SYNGR1: variants seen among roughly 807,000 people sequenced by gnomAD.
SYNGR1 encodes the protein synaptogyrin 1, also known as synaptogyrin-1.
SYNGR1 carries 14 observed loss-of-function variants against 26.1 expected under a neutral mutation model. The observed-to-expected ratio is 0.54, with a 90% CI of 0.35 to 0.84. The LOEUF (loss-of-function observed/expected upper bound fraction) is 0.84, where lower values mean the gene tolerates loss of function less well. Among genes scored for constraint, SYNGR1 ranks in the 40% least tolerant of loss-of-function variants. The pLI, the probability that SYNGR1 is intolerant of heterozygous loss-of-function variation, is 0.01. For missense variants in SYNGR1, 319 were observed against 332.9 expected (o/e 0.96, Z 0.33); for synonymous variants, 141 against 150.1 (o/e 0.94, Z 0.44).
chr22:39,355,870 T>A (rs892373291), intron 1 of SYNGR1, among the ~76,000 whole-genome samples: 7 of 152,050 alleles, frequency 4.6e-5, no homozygotes. Flanking sequence ...TTACAAAAAA[T>A]TAGCCAGGCG....
At chr22:39,357,596 G>A (rs565472051) in intron 1 of SYNGR1, among the ~76,000 whole-genome samples, 135 of 150,518 alleles carry the variant, frequency 9.0e-4, no homozygotes, top group Non-Finnish European at 9.6e-4. Flanking sequence ...CTGGAGTTCC[G>A]GGTGGGCGTG....
intron 1 of SYNGR1, among the ~76,000 whole-genome samples, chr22:39,360,362 CA>C (rs575628545): frequency 6.6e-6 from 1 of 152,282 alleles, no homozygotes; most frequent in African/African-American, 2.4e-5. Flanking sequence ...GAAGAGTTGT[CA>C]CCGTCTCCAG....
Position 39,376,194 on chromosome 22 carries a change from C to T in SYNGR1, c.480C>T (p.Thr160=), listed in dbSNP as rs1196358018. 3.1e-6 allele frequency: 5 copies of T among 1,613,988 alleles called. No individual in the cohort carries two copies. Among genetic ancestry groups the T allele is most frequent in the Non-Finnish European group, 4.2e-6 (5 of 1,180,044 alleles). ...AIAFSFFSIF[T]WAGQAVLAFQ... ...CCTTCTCCTTTTTCTCCATCTTCAC[C>T]TGGGTGAGTACAGCCACCGCGCACC... Residue 160 remains threonine, a synonymous_variant, in exon 3 of 4, where the codon ACC becomes ACT. Coordinates refer to ENST00000328933, the MANE Select transcript of SYNGR1 (RefSeq NM_004711.5).
At chr22:39,355,968 G>A (rs1351582254) in intron 1 of SYNGR1, among the ~76,000 whole-genome samples, 2 of 152,158 alleles carry the variant, frequency 1.3e-5, no homozygotes, top group South Asian at 2.1e-4. Flanking sequence ...GCAGTGAGCC[G>A]AGATTGCGCC....
chr22:39,376,534 A>G (rs983340843), intron 3 of SYNGR1, among the ~76,000 whole-genome samples: 2 of 152,176 alleles, frequency 1.3e-5, no homozygotes, highest in African/African-American at 4.8e-5. Flanking sequence ...GCAGAGGCCT[A>G]GACAGGAAGG....
chr22:39,374,595 G>A, intron 2 of SYNGR1, 42 bp downstream of exon 2: 1 of 1,601,204 alleles, frequency 6.2e-7, no homozygotes, highest in Non-Finnish European at 8.5e-7. Context: ...AGAGTCTACA[G>A]AGGGCTGTCC....
rs149987311 is a variant in SYNGR1, at chr22:39,351,943, G to A, written c.99+1834G>A. On this transcript the variant is annotated intron_variant, in intron 1 of 3. Transcript: ENST00000328933. ...CATATGCACATCCAGGGGAGAGGAC[G>A]TGGAAAGCAGGAGGAAGGATCAGCC... is the stretch of plus-strand genomic sequence containing the variant. Among the ~76,000 whole-genome samples, 12 of 152,352 alleles carry A rather than the reference G, an allele frequency of 7.9e-5. No homozygotes were observed. In the East Asian group the frequency reaches 1.3e-3, roughly 17 times the overall value.
chr22:39,361,528 T>C (rs534480408), intron 1 of SYNGR1, among the ~76,000 whole-genome samples: 72 of 152,012 alleles, frequency 4.7e-4, no homozygotes, highest in Admixed American at 1.7e-3. Context: ...TGGCTAATTT[T>C]TTTTGTATTT....
chr22:39,364,158 C>T, intron 1 of SYNGR1: 1 of 1,611,760 alleles, frequency 6.2e-7, no homozygotes, highest in South Asian at 1.1e-5. Flanking sequence ...CACTGCGGGA[C>T]ACGGCTCAGG....
rs1447489798 is a variant in SYNGR1, at chr22:39,359,637, A to G, written c.99+9528A>G. 6.5e-3 allele frequency among the ~76,000 whole-genome samples: 87 copies of G among 13,432 alleles called. 2 individuals are homozygous for G. Among genetic ancestry groups the G allele is most frequent in the African/African-American group, 0.032 (83 of 2,626 alleles). 8.8% of individuals were successfully genotyped at this position (13,432 alleles called of 152,430 possible). A position where few individuals can be genotyped will look rare whatever the true frequency, so the allele number is the denominator to read the frequency against. Reference sequence around the variant, plus strand: ...CAAAGTGAGACTCTGTCTCAAAAAAAAAAAAAAAAAAAAAAAAAAAAGATG... The same window carrying G: ...CAAAGTGAGACTCTGTCTCAAAAAAGAAAAAAAAAAAAAAAAAAAAAGATG... On this transcript the variant is annotated intron_variant, in intron 1 of 3. Transcript: ENST00000328933.
Position 39,363,958 on chromosome 22 carries a change from A to C in SYNGR1, c.100-10358A>C, listed in dbSNP as rs535624207. Among the ~76,000 whole-genome samples the C allele has an allele frequency of 5.9e-5, 9 of 152,248 alleles. No individual in the cohort carries two copies. The South Asian group carries it at 1.9e-3, about 32-fold the overall frequency. Reference sequence around the variant, plus strand: ...AGCCAGCATTGTCTAAAAACGTTTAAAACGAGGCCTCTAGGAGGTTCCTGG... The same window carrying C: ...AGCCAGCATTGTCTAAAAACGTTTACAACGAGGCCTCTAGGAGGTTCCTGG... On this transcript the variant is annotated intron_variant, in intron 1 of 3. Coordinates refer to ENST00000328933, the MANE Select transcript of SYNGR1 (RefSeq NM_004711.5).
chr22:39,373,318 G>T (rs564959777), intron 1 of SYNGR1, among the ~76,000 whole-genome samples: 4 of 151,794 alleles, frequency 2.6e-5, no homozygotes, highest in Admixed American at 6.6e-5. Context: ...ACAGGCATCC[G>T]CCACCATGCC....
In SYNGR1 at chr22:39,350,034, G is replaced by A. The variant is rs143226112; in HGVS notation, c.24G>A (p.Ala8=). 1.6e-5 allele frequency: 23 copies of A among 1,399,838 alleles called. No individual in the cohort carries two copies. In the African/African-American group the frequency reaches 3.1e-4, roughly 19 times the overall value. 86.7% of individuals were successfully genotyped at this position (1,399,838 alleles called of 1,614,324 possible). A position where few individuals can be genotyped will look rare whatever the true frequency, so the allele number is the denominator to read the frequency against. Residue 8 remains alanine, a synonymous_variant, in exon 1 of 4, where the codon GCG becomes GCA. Transcript: ENST00000328933. This position sits in a 1 kb window ranked among gnomAD's most constrained non-coding sequence, Gnocchi z 4.3. MEGGAYG[A]GKAGGAFDPY... is the part of the protein sequence containing the mutation. ...CGATGGAAGGGGGTGCGTACGGAGC[G>A]GGCAAAGCCGGGGGCGCCTTCGACC... is the stretch of plus-strand genomic sequence containing the variant.
chr22:39,364,265 G>A, intron 1 of SYNGR1: 2 of 1,614,152 alleles, frequency 1.2e-6, no homozygotes, highest in Non-Finnish European at 8.5e-7. Context: ...CAGAGGTCGT[G>A]GGTGAGCTGG....
At chr22:39,363,194 T>G (rs1389143959) in intron 1 of SYNGR1, among the ~76,000 whole-genome samples, 1 of 151,404 alleles carries the variant, frequency 6.6e-6, no homozygotes, top group African/African-American at 2.4e-5. Flanking sequence ...TTGGGGAGCT[T>G]CAGAGGAAGG....
At position 39,384,826 on chromosome 22, in the gene SYNGR1, G is replaced by A. The variant is rs1413676518; in HGVS notation, c.*2912G>A. The A allele has an allele frequency of 2.5e-5, 10 of 398,982 alleles. No individual in the cohort carries two copies. The highest frequency in any genetic ancestry group is 3.1e-5 in the Non-Finnish European group (7 of 226,104). The allele number at this position is 398,982 out of a possible 1,614,324, so 24.7% of individuals were successfully genotyped here. A position where few individuals can be genotyped will look rare whatever the true frequency, so the allele number is the denominator to read the frequency against. On this transcript the variant is annotated 3_prime_UTR_variant, in exon 4 of 4. Transcript: ENST00000328933. ...AGAGTCGCAAGGACGCTTAGAGTCG[G>A]CAGAGTCTGGGGTAGGGAGACAGCG... is the stretch of plus-strand genomic sequence containing the variant.
Position 39,382,004 on chromosome 22 carries a change from G to A in SYNGR1, c.*90G>A, listed in dbSNP as rs1203977207. 1.7e-5 allele frequency: 23 copies of A among 1,384,070 alleles called. No homozygotes were observed. Among genetic ancestry groups the A allele is most frequent in the Admixed American group, 5.9e-5 (3 of 50,646 alleles). 85.7% of individuals were successfully genotyped at this position (1,384,070 alleles called of 1,614,324 possible). On this transcript the variant is annotated 3_prime_UTR_variant, in exon 4 of 4. Transcript: ENST00000328933. Reference sequence around the variant, plus strand: ...TCCTGCCCAGGCTGCCCTGCCCAGCGCCTCATCAGCCTCTGCCTTGTCCCA... The same window carrying A: ...TCCTGCCCAGGCTGCCCTGCCCAGCACCTCATCAGCCTCTGCCTTGTCCCA...
intron 1 of SYNGR1, among the ~76,000 whole-genome samples, chr22:39,373,189 G>C (rs187233366): frequency 7.2e-6 from 1 of 138,018 alleles, no homozygotes; most frequent in East Asian, 2.1e-4. Flanking sequence ...TTTTTTTTTT[G>C]AGAGTGTCTT....
intron 1 of SYNGR1, among the ~76,000 whole-genome samples, chr22:39,357,981 G>A (rs572919820): frequency 6.6e-6 from 1 of 152,374 alleles, no homozygotes; most frequent in South Asian, 2.1e-4. Flanking sequence ...GCTGAGGAGT[G>A]CGAGCGCACG....
Sources: gnomAD v4.1 joint callset for allele counts (sites outside exome capture counted in the v4.1 genomes callset) on GRCh38, gnomAD v4.1.1 for gene constraint, Gnocchi (gnomAD v3.1) non-coding constraint, MANE v1.5 for transcripts, NCBI Gene and HGNC (gene_info 2026-07-23, HGNC 2026-07-21) for gene names.